The following DNAJC27 variants were observed in gnomAD, a reference collection of about 807,000 sequenced individuals.
DNAJC27 encodes the protein DnaJ heat shock protein family (Hsp40) member C27, also known as dnaJ homolog subfamily C member 27.
DNAJC27 carries 25 observed loss-of-function variants against 31.4 expected under a neutral mutation model. The ratio of observed to expected loss-of-function variants is 0.80; its 90% CI spans 0.58 to 1.11. The LOEUF (loss-of-function observed/expected upper bound fraction) is 1.11. Ranked by LOEUF, DNAJC27 falls within the 50% of genes most tolerant of loss-of-function variation. The pLI is 0.00. For synonymous variants in DNAJC27, 106 were observed against 112.7 expected (o/e 0.94, Z 0.37); for missense variants, 356 against 347.3 (o/e 1.02, Z -0.20).
At chr2:24,967,836 T>C (rs1050680041) in intron 1 of DNAJC27, among the ~76,000 whole-genome samples, 2 of 152,228 alleles carry the variant, frequency 1.3e-5, no homozygotes, top group Non-Finnish European at 2.9e-5. Context: ...CTGTGCTCTT[T>C]TCTTCTGAAG....
Position 24,947,412 on chromosome 2 carries a change from C to A in DNAJC27, c.*204G>T, listed in dbSNP as rs993871158. 1.9e-6 allele frequency: 1 copy of A among 539,918 alleles called. No individual in the cohort carries two copies. Among genetic ancestry groups the A allele is most frequent in the African/African-American group, 1.9e-5 (1 of 53,634 alleles). 33.4% of individuals were successfully genotyped at this position (539,918 alleles called of 1,614,324 possible). A position where few individuals can be genotyped will look rare whatever the true frequency, so the allele number is the denominator to read the frequency against. On this transcript the variant is annotated 3_prime_UTR_variant, in exon 7 of 7. Transcript: ENST00000264711. ...ATATGAAATGAAGTACAGGGTGTGA[C>A]GCTCAGTTCACTTCATACAAATGCA...
At chr2:24,964,968 G>C (rs1227538406) in intron 2 of DNAJC27, among the ~76,000 whole-genome samples, 2 of 152,122 alleles carry the variant, frequency 1.3e-5, no homozygotes, top group African/African-American at 4.8e-5. Flanking sequence ...AACACTTTGG[G>C]AGGCCGAGGT....
Position 24,971,810 on chromosome 2 carries a change from G to T in DNAJC27, c.87+8C>A. ...TGGGGCCCGCCCCTCCCGGCTCGCT[G>T]TACTCACTTTCCCCACTTCGGCGTT... On this transcript the variant is annotated splice_region_variant and intron_variant, in intron 1 of 6. Transcript: ENST00000264711. 1 of 1,604,778 alleles carries T rather than the reference G, an allele frequency of 6.2e-7. No homozygotes were observed. The highest frequency in any genetic ancestry group is 8.5e-7 in the Non-Finnish European group (1 of 1,176,738).
Position 24,963,491 on chromosome 2 carries a change from G to T in DNAJC27, c.171-17C>A. ...ACGTGTACCCTGAAATGTTCAAATG[G>T]AAACAATCCGAAAGAAAGTCATGGT... On this transcript the variant is annotated splice_polypyrimidine_tract_variant and intron_variant, in intron 2 of 6. Coordinates refer to ENST00000264711, the MANE Select transcript of DNAJC27 (RefSeq NM_016544.3). 1 of 1,597,078 alleles carries T rather than the reference G, an allele frequency of 6.3e-7. No individual in the cohort carries two copies. Among genetic ancestry groups the T allele is most frequent in the African/African-American group, 1.3e-5 (1 of 74,598 alleles).
intron 3 of DNAJC27, among the ~76,000 whole-genome samples, chr2:24,960,177 CAA>C (rs1666007516): frequency 6.6e-6 from 1 of 152,202 alleles, no homozygotes; most frequent in Non-Finnish European, 1.5e-5. Flanking sequence ...TATAATACTT[CAA>C]ACTTTTCATC....
intron 1 of DNAJC27, among the ~76,000 whole-genome samples, chr2:24,971,193 G>A (rs999834054): frequency 6.6e-6 from 1 of 152,190 alleles, no homozygotes; most frequent in Non-Finnish European, 1.5e-5. Flanking sequence ...AGAGTTTATA[G>A]CTGATGAACC....
intron 2 of DNAJC27, among the ~76,000 whole-genome samples, chr2:24,965,762 A>C (rs1666166073): frequency 6.6e-6 from 1 of 152,052 alleles, no homozygotes; most frequent in Non-Finnish European, 1.5e-5. Flanking sequence ...TCTGAACTTG[A>C]CTCCACTCTT....
At chr2:24,966,447 C>G (rs766635939) in intron 2 of DNAJC27, among the ~76,000 whole-genome samples, 1 of 152,124 alleles carries the variant, frequency 6.6e-6, no homozygotes, top group Non-Finnish European at 1.5e-5. Flanking sequence ...CCCAACTTTA[C>G]TTTTCCCAAT....
rs981131979 is a variant in DNAJC27, at chr2:24,944,804, T to C, written c.*2812A>G. ...AGAAGGAGGCTGTATTTTAAAGTGCTTAGGTAGGTTAGAAGATGAATTTGA... is the reference window on the plus strand; with the variant it reads ...AGAAGGAGGCTGTATTTTAAAGTGCCTAGGTAGGTTAGAAGATGAATTTGA... On this transcript the variant is annotated 3_prime_UTR_variant, in exon 7 of 7. Transcript: ENST00000264711. The C allele has an allele frequency of 6.6e-6, 1 of 152,648 alleles. No homozygotes were observed. Among genetic ancestry groups the C allele is most frequent in the South Asian group, 2.1e-4 (1 of 4,828 alleles). 9.5% of individuals were successfully genotyped at this position (152,648 alleles called of 1,614,324 possible).
Position 24,963,508 on chromosome 2 carries a change from A to G in DNAJC27, c.171-34T>C, listed in dbSNP as rs772164162. ...TTCAAATGGAAACAATCCGAAAGAA[A>G]GTCATGGTTTCTCCATTTACCTTAA... On this transcript the variant is annotated intron_variant, in intron 2 of 6. Coordinates refer to ENST00000264711, the MANE Select transcript of DNAJC27 (RefSeq NM_016544.3). 2.3e-5 allele frequency: 36 copies of G among 1,563,958 alleles called. 1 individual carries two copies. The highest frequency in any genetic ancestry group is 2.9e-5 in the Non-Finnish European group (33 of 1,138,000).
Position 24,971,845 on chromosome 2 carries a change from G to T in DNAJC27, c.60C>A (p.Ile20=). 1 of 1,609,498 alleles carries T rather than the reference G, an allele frequency of 6.2e-7. No homozygotes were observed. The change falls in exon 1 of 7, where the codon ATC becomes ATA. Residue 20 remains isoleucine (I), a synonymous_variant. Coordinates refer to ENST00000264711, the MANE Select transcript of DNAJC27 (RefSeq NM_016544.3). Reference sequence around the variant, plus strand: ...TCCCCACTTCGGCGTTGCCCATGGAGATGACTTTGATGCGGAGAGACCTGC... The same window carrying T: ...TCCCCACTTCGGCGTTGCCCATGGATATGACTTTGATGCGGAGAGACCTGC... The part of the protein sequence containing the change: ...EPGRSLRIKV[I]SMGNAEVGKS...
intron 2 of DNAJC27, 86 bp from the exon 3 acceptor site, chr2:24,963,560 T>C: frequency 1.8e-6 from 2 of 1,112,164 alleles, no homozygotes; most frequent in South Asian, 1.5e-5. Context: ...CAAAAGGATA[T>C]GTGTATGCAA....
Position 24,957,863 on chromosome 2 carries a change from G to C in DNAJC27, c.352C>G (p.Leu118Val), listed in dbSNP as rs954240646. The C allele has an allele frequency of 5.0e-6, 8 of 1,614,074 alleles. No homozygotes were observed. The highest frequency in any genetic ancestry group is 1.3e-5 in the African/African-American group (1 of 74,930). ...DAWLAEMKQE[L>V]GPHGNMENII... is the part of the protein sequence containing the mutation. The stretch of plus-strand genomic sequence containing the variant: ...TTTTCCATGTTTCCATGAGGTCCAA[G>C]CTCTTGCTTCATTTCTGCCAGCCAC... The change falls in exon 4 of 7, where the codon CTT becomes GTT. Residue 118 changes from leucine to valine, a missense_variant. Leu to Val is a conservative substitution (Grantham distance 32). Coordinates refer to ENST00000264711, the MANE Select transcript of DNAJC27 (RefSeq NM_016544.3).
chr2:24,953,026 C>T (rs921778062), intron 5 of DNAJC27, among the ~76,000 whole-genome samples: 2 of 152,048 alleles, frequency 1.3e-5, no homozygotes, highest in Non-Finnish European at 2.9e-5. Context: ...GCTGGGATTA[C>T]AGGTATGTGC....
At chr2:24,967,624 C>T (rs1037505190) in intron 1 of DNAJC27, among the ~76,000 whole-genome samples, 5 of 151,644 alleles carry the variant, frequency 3.3e-5, no homozygotes, top group African/African-American at 7.3e-5. Flanking sequence ...TGTGTAAACC[C>T]GGGAGGCGGA....
chr2:24,951,178 T>C (rs995684785), intron 6 of DNAJC27, among the ~76,000 whole-genome samples: 1 of 152,280 alleles, frequency 6.6e-6, no homozygotes, highest in Non-Finnish European at 1.5e-5. Flanking sequence ...GAAGTATTTA[T>C]GCACGTACAC....
At chr2:24,964,917 T>G (rs1020042456) in intron 2 of DNAJC27, among the ~76,000 whole-genome samples, 2 of 152,020 alleles carry the variant, frequency 1.3e-5, no homozygotes, top group Non-Finnish European at 2.9e-5. Flanking sequence ...GAAAGAAAGG[T>G]AAATTTCAGG....
intron 1 of DNAJC27, among the ~76,000 whole-genome samples, chr2:24,971,137 A>T (rs531150107): frequency 6.6e-6 from 1 of 152,310 alleles, no homozygotes; most frequent in East Asian, 1.9e-4. Flanking sequence ...TCATAAGGGA[A>T]AAGGCCTCAG....
At chr2:24,966,011 TAACAATAC>T (rs1377125234) in intron 2 of DNAJC27, among the ~76,000 whole-genome samples, 1 of 152,086 alleles carries the variant, frequency 6.6e-6, no homozygotes, top group Non-Finnish European at 1.5e-5. Context: ...ATACAAATAA[TAACAATAC>T]AAGGCAATTT....
Sources: allele counts gnomAD v4.1 joint callset (sites outside exome capture counted in the v4.1 genomes callset), GRCh38; gene constraint gnomAD v4.1.1; transcripts MANE v1.5; gene names NCBI Gene and HGNC (gene_info 2026-07-23, HGNC 2026-07-21).